The following COL28A1 variants were observed in gnomAD, a reference collection of about 807,000 sequenced individuals.
COL28A1 encodes the protein collagen alpha-1(XXVIII) chain.
COL28A1 carries 161 observed loss-of-function variants against 150.2 expected under a neutral mutation model. That is an observed-to-expected ratio of 1.07 (90% CI 0.94 to 1.22). The LOEUF (loss-of-function observed/expected upper bound fraction) is 1.22, where lower values mean the gene tolerates loss of function less well. Ranked by LOEUF, COL28A1 falls within the 50% of genes most tolerant of loss-of-function variation. The pLI is 0.00. For missense variants in COL28A1, 1,617 were observed against 1,388.3 expected, an observed-to-expected ratio of 1.16 and a Z score of -2.62; for synonymous variants, 552 against 469.7, an observed-to-expected ratio of 1.18 and a Z score of -2.26.
intron 13 of COL28A1, among the ~76,000 whole-genome samples, chr7:7,477,641 G>A (rs567626687): frequency 2.7e-4 from 41 of 152,280 alleles, no homozygotes; most frequent in African/African-American, 9.6e-4. Context: ...TAGTGGTCTC[G>A]CTGGCTTCAG....
At chr7:7,391,720 T>C (rs1193978355) in intron 27 of COL28A1, among the ~76,000 whole-genome samples, 5 of 152,094 alleles carry the variant, frequency 3.3e-5, no homozygotes, top group Non-Finnish European at 1.5e-5. Context: ...CCCTTTACCA[T>C]TATGTAATGC....
chr7:7,373,230 C>G lies in COL28A1; in HGVS notation c.2676G>C (p.Arg892Ser), dbSNP rs1442587414. The G allele has an allele frequency of 6.2e-7, 1 of 1,614,180 alleles. No homozygotes were observed. The highest frequency in any genetic ancestry group is 1.1e-5 in the South Asian group (1 of 91,078). The change falls in exon 32 of 35, where the codon AGG becomes AGC. Residue 892 changes from arginine to serine, a missense_variant. Transcript: ENST00000399429. This position sits in a 1 kb window ranked among gnomAD's most constrained non-coding sequence, Gnocchi z 4.1. ...QAANDMFEDA[R>S]PGVKKVALVI... ...CCAAGGCCACTTTTTTTACACCTGGCCTTGCATCTTCAAACATGTCGTTGG... is the reference window on the plus strand; with the variant it reads ...CCAAGGCCACTTTTTTTACACCTGGGCTTGCATCTTCAAACATGTCGTTGG...
intron 18 of COL28A1, among the ~76,000 whole-genome samples, chr7:7,448,369 T>C (rs1786429674): frequency 2.0e-5 from 3 of 151,922 alleles, no homozygotes; most frequent in Non-Finnish European, 4.4e-5. Flanking sequence ...TCAGAAACAA[T>C]GCAAGTGAGA....
intron 16 of COL28A1, 71 bp from the exon 17 acceptor site, chr7:7,453,579 T>A (rs1786888798): frequency 1.3e-6 from 1 of 794,950 alleles, no homozygotes; most frequent in South Asian, 1.5e-5. Context: ...AGTGAAACTT[T>A]AGTTCATACC....
chr7:7,448,339 G>T (rs1415495216), intron 18 of COL28A1, among the ~76,000 whole-genome samples: 1 of 151,920 alleles, frequency 6.6e-6, no homozygotes, highest in African/African-American at 2.4e-5. Flanking sequence ...ACAAATATAA[G>T]GATAACAACA....
chr7:7,478,844 G>A (rs1281877362), intron 13 of COL28A1, among the ~76,000 whole-genome samples: 1 of 152,232 alleles, frequency 6.6e-6, no homozygotes, highest in Admixed American at 6.5e-5. Context: ...CAAGTGCGGG[G>A]CCCGCCAAGC....
chr7:7,382,826 T>C (rs1012442823), intron 27 of COL28A1, among the ~76,000 whole-genome samples: 8 of 152,032 alleles, frequency 5.3e-5, no homozygotes, highest in African/African-American at 1.9e-4. Context: ...AGGCAAAATA[T>C]GCATTTTGCC....
intron 27 of COL28A1, among the ~76,000 whole-genome samples, chr7:7,410,613 T>G (rs1318527066): frequency 6.6e-6 from 1 of 151,922 alleles, no homozygotes; most frequent in Non-Finnish European, 1.5e-5. Context: ...TGCAGTGATT[T>G]TACTACTACC....
chr7:7,391,447 T>C (rs926752361), intron 27 of COL28A1, among the ~76,000 whole-genome samples: 1 of 152,206 alleles, frequency 6.6e-6, no homozygotes, highest in African/African-American at 2.4e-5. Context: ...GAAGAATGCA[T>C]ATTCTGCTGA....
At chr7:7,517,972 A>C (rs886220477) in intron 6 of COL28A1, 135 bp from the exon 7 acceptor site, 3 of 1,183,300 alleles carry the variant, frequency 2.5e-6, no homozygotes, top group African/African-American at 1.6e-5. Context: ...TGACATTTTC[A>C]CTATGCAATC....
chr7:7,504,808 C>T (rs1262910404), intron 11 of COL28A1, among the ~76,000 whole-genome samples: 1 of 152,180 alleles, frequency 6.6e-6, no homozygotes, highest in Admixed American at 6.5e-5. Flanking sequence ...ACTGCAAACC[C>T]CAGCTCTGAT....
intron 13 of COL28A1, among the ~76,000 whole-genome samples, chr7:7,486,262 A>G (rs1405014235): frequency 6.6e-6 from 1 of 152,156 alleles, no homozygotes; most frequent in African/African-American, 2.4e-5. Context: ...TAGTATACAG[A>G]AATTAAATAG....
At chr7:7,360,287 G>A (rs754213972) in intron 34 of COL28A1, 103 bp downstream of exon 34, 160 of 1,159,900 alleles carry the variant, frequency 1.4e-4, no homozygotes, top group Middle Eastern at 2.4e-4. Context: ...TCCTCACATT[G>A]TAGATACAGT....
chr7:7,427,732 A>G (rs1286761846), intron 25 of COL28A1, among the ~76,000 whole-genome samples: 2 of 152,198 alleles, frequency 1.3e-5, no homozygotes, highest in Non-Finnish European at 2.9e-5. Flanking sequence ...AAGTTACTGA[A>G]AAATATTTAA....
At chr7:7,525,083 C>A (rs1376071127) in intron 3 of COL28A1, among the ~76,000 whole-genome samples, 1 of 152,084 alleles carries the variant, frequency 6.6e-6, no homozygotes, top group Non-Finnish European at 1.5e-5. Flanking sequence ...ATACATATTT[C>A]ATAATAAAAA....
chr7:7,474,681 A>G lies in COL28A1; in HGVS notation c.1234-12T>C. On this transcript the variant is annotated splice_polypyrimidine_tract_variant and intron_variant, in intron 14 of 34. Coordinates refer to ENST00000399429, the MANE Select transcript of COL28A1 (RefSeq NM_001037763.3). ...GAACCTTTTTCACCCTGAAAGTACA[A>G]GGGAGGGATATCAATGCACCAACCA... 8.3e-7 allele frequency: 1 copy of G among 1,199,798 alleles called. No homozygotes were observed. Among genetic ancestry groups the G allele is most frequent in the Non-Finnish European group, 1.2e-6 (1 of 801,896 alleles). The allele number at this position is 1,199,798 out of a possible 1,614,324, so 74.3% of individuals were successfully genotyped here. A position where few individuals can be genotyped will look rare whatever the true frequency, so the allele number is the denominator to read the frequency against.
chr7:7,368,994 C>T (rs990624896), intron 33 of COL28A1, among the ~76,000 whole-genome samples: 1 of 152,176 alleles, frequency 6.6e-6, no homozygotes, highest in Non-Finnish European at 1.5e-5. Context: ...AAGAGCCACA[C>T]CATCTATCAC....
At chr7:7,405,063 T>C (rs1332879385) in intron 27 of COL28A1, among the ~76,000 whole-genome samples, 1 of 152,264 alleles carries the variant, frequency 6.6e-6, no homozygotes, top group Admixed American at 6.5e-5. Flanking sequence ...TCAATAATCA[T>C]TTATTGAATA....
chr7:7,517,271 T>A (rs78775719), intron 7 of COL28A1, among the ~76,000 whole-genome samples: 2,106 of 152,210 alleles, frequency 0.014, 59 homozygotes, highest in African/African-American at 0.048. Flanking sequence ...ACCGTACACA[T>A]CTCTGCTATT....
Sources: allele counts gnomAD v4.1 joint callset (sites outside exome capture counted in the v4.1 genomes callset), GRCh38; gene constraint gnomAD v4.1.1; non-coding constraint Gnocchi (gnomAD v3.1); transcripts MANE v1.5; gene names NCBI Gene and HGNC (gene_info 2026-07-23, HGNC 2026-07-21).